ANGPT1: variants seen among roughly 807,000 people sequenced by gnomAD.
The protein encoded by ANGPT1 is angiopoietin-1.
A neutral mutation model predicts 62.2 loss-of-function variants in ANGPT1; 17 were observed. That is an observed-to-expected ratio of 0.27 (90% CI 0.19 to 0.41). ANGPT1 has a LOEUF of 0.41. Among genes scored for constraint, ANGPT1 ranks in the 10% least tolerant of loss-of-function variants. ANGPT1 has a pLI of 1.00. For missense variants in ANGPT1, 478 were observed against 594.9 expected (o/e 0.80, Z 2.04); for synonymous variants, 199 against 198.9 (o/e 1.00, Z 0.00).
At chr8:107,306,961 G>A (rs760281451) in intron 4 of ANGPT1, among the ~76,000 whole-genome samples, 3 of 151,978 alleles carry the variant, frequency 2.0e-5, no homozygotes, top group African/African-American at 4.8e-5. Context: ...CAGATGTCAG[G>A]GGGAACCTTC....
At chr8:107,426,733 T>G (rs1207862927) in intron 1 of ANGPT1, among the ~76,000 whole-genome samples, 1 of 152,184 alleles carries the variant, frequency 6.6e-6, no homozygotes, top group Non-Finnish European at 1.5e-5. Context: ...TTTTGTCCTT[T>G]TCCTTAAAAT....
chr8:107,393,512 A>T (rs987457424), intron 1 of ANGPT1, among the ~76,000 whole-genome samples: 1 of 152,176 alleles, frequency 6.6e-6, no homozygotes, highest in Non-Finnish European at 1.5e-5. Context: ...TCTTTTTAAA[A>T]AAAATTAGGG....
At chr8:107,390,405 A>T (rs1816812207) in intron 1 of ANGPT1, among the ~76,000 whole-genome samples, 1 of 152,174 alleles carries the variant, frequency 6.6e-6, no homozygotes, top group Non-Finnish European at 1.5e-5. Flanking sequence ...GGTTTAAAAT[A>T]TTGAGCTGAA....
chr8:107,483,746 C>A (rs10102033), intron 1 of ANGPT1, among the ~76,000 whole-genome samples: 3,734 of 152,112 alleles, frequency 0.025, 129 homozygotes, highest in African/African-American at 0.082. Context: ...ATAAGAAATA[C>A]AACCTAATAC....
In ANGPT1 at chr8:107,360,717, G is replaced by A. The variant is rs185320065; in HGVS notation, c.298-13620C>T. Among the ~76,000 whole-genome samples, 182 of 152,124 alleles carry A rather than the reference G, an allele frequency of 1.2e-3. 2 individuals carry two copies. The highest frequency in any genetic ancestry group is 2.1e-4 in the South Asian group (1 of 4,808). ...GGCATTTGAGTTGCCATCATTAAGCGGGAAATGAAGGCACCTAACATTTGA... is the reference window on the plus strand; with the variant it reads ...GGCATTTGAGTTGCCATCATTAAGCAGGAAATGAAGGCACCTAACATTTGA... On this transcript the variant is annotated intron_variant, in intron 1 of 8. Transcript: ENST00000517746.
At chr8:107,282,864 C>G (rs1400156641) in intron 7 of ANGPT1, among the ~76,000 whole-genome samples, 1 of 151,810 alleles carries the variant, frequency 6.6e-6, no homozygotes, top group African/African-American at 2.4e-5. Context: ...GGTGAGTACT[C>G]CTTCCTCATG....
At chr8:107,351,732 T>A (rs1347802877) in intron 1 of ANGPT1, among the ~76,000 whole-genome samples, 1 of 152,110 alleles carries the variant, frequency 6.6e-6, no homozygotes, top group Non-Finnish European at 1.5e-5. Flanking sequence ...TTGCCAGTAC[T>A]TTTAATAGAA....
At chr8:107,400,825 G>A (rs1817032955) in intron 1 of ANGPT1, among the ~76,000 whole-genome samples, 1 of 151,912 alleles carries the variant, frequency 6.6e-6, no homozygotes, top group Admixed American at 6.6e-5. Context: ...CTCCCAAAGT[G>A]CTGGGATTAC....
At chr8:107,355,332 T>A (rs1471266810) in intron 1 of ANGPT1, among the ~76,000 whole-genome samples, 1 of 152,160 alleles carries the variant, frequency 6.6e-6, no homozygotes, top group Non-Finnish European at 1.5e-5. Flanking sequence ...GATTTGTTAA[T>A]GGCCCCATAA....
At chr8:107,315,015 G>C (rs1814981211) in intron 4 of ANGPT1, among the ~76,000 whole-genome samples, 1 of 152,062 alleles carries the variant, frequency 6.6e-6, no homozygotes, top group Non-Finnish European at 1.5e-5. Flanking sequence ...TCAGATGGTA[G>C]AATTATTCTG....
intron 1 of ANGPT1, among the ~76,000 whole-genome samples, chr8:107,403,290 C>T (rs1257654781): frequency 6.6e-6 from 1 of 152,142 alleles, no homozygotes; most frequent in Non-Finnish European, 1.5e-5. Flanking sequence ...GGAGGAAAGC[C>T]TGTTCCTGGA....
chr8:107,356,786 C>G (rs1816055811), intron 1 of ANGPT1, among the ~76,000 whole-genome samples: 1 of 152,184 alleles, frequency 6.6e-6, no homozygotes, highest in Non-Finnish European at 1.5e-5. Flanking sequence ...TCAGAAGCAA[C>G]AGCATACCAT....
intron 7 of ANGPT1, among the ~76,000 whole-genome samples, chr8:107,280,291 C>T (rs182250442): frequency 9.9e-5 from 15 of 152,068 alleles, no homozygotes; most frequent in African/African-American, 3.6e-4. Context: ...ACCTCCACCT[C>T]CGGGGTTCAA....
intron 1 of ANGPT1, among the ~76,000 whole-genome samples, chr8:107,415,929 G>A (rs1198612479): frequency 6.6e-6 from 1 of 152,040 alleles, no homozygotes; most frequent in Admixed American, 6.6e-5. Flanking sequence ...CAGACAGATG[G>A]TTCGTTGCCA....
At position 107,256,846 on chromosome 8, in the gene ANGPT1, TTTTTTTTTTG is replaced by T. The variant is rs762063145; in HGVS notation, c.1337-4841_1337-4832del. On this transcript the variant is annotated intron_variant, in intron 8 of 8. Coordinates refer to ENST00000517746, the MANE Select transcript of ANGPT1 (RefSeq NM_001146.5). ...GTTTTTTTGTTTTGTTTTGTTCTGT[TTTTTTTTTTG>T]TTTTGTTTTGTTTTTTTTGAGATGG... Among the ~76,000 whole-genome samples, 70 of 146,624 alleles carry T rather than the reference TTTTTTTTTTG, an allele frequency of 4.8e-4. 1 individual carries two copies. The highest frequency in any genetic ancestry group is 9.2e-4 in the Non-Finnish European group (61 of 66,288).
intron 1 of ANGPT1, among the ~76,000 whole-genome samples, chr8:107,419,888 ACTG>A (rs1477311665): frequency 1.3e-5 from 2 of 152,180 alleles, no homozygotes; most frequent in East Asian, 3.8e-4. Context: ...CTCATATTGC[ACTG>A]CTATTTGATG....
At chr8:107,364,258 A>G (rs758965776) in intron 1 of ANGPT1, among the ~76,000 whole-genome samples, 1 of 152,144 alleles carries the variant, frequency 6.6e-6, no homozygotes, top group African/African-American at 2.4e-5. Flanking sequence ...GAGGTTTATG[A>G]AATAATACAA....
chr8:107,282,527 A>T (rs1203665264), intron 7 of ANGPT1, among the ~76,000 whole-genome samples: 1 of 129,970 alleles, frequency 7.7e-6, no homozygotes, highest in African/African-American at 2.8e-5. Context: ...CATATATTAT[A>T]TTATATATAT....
intron 1 of ANGPT1, among the ~76,000 whole-genome samples, chr8:107,473,463 A>G (rs1270564109): frequency 6.6e-6 from 1 of 152,078 alleles, no homozygotes; most frequent in African/African-American, 2.4e-5. Context: ...GTCTAAAAAA[A>G]AAGCTCATAT....
Sources: gnomAD v4.1 joint callset for allele counts (sites outside exome capture counted in the v4.1 genomes callset) on GRCh38, gnomAD v4.1.1 for gene constraint, MANE v1.5 for transcripts, NCBI Gene and HGNC (gene_info 2026-07-23, HGNC 2026-07-21) for gene names.